The following SLC47A1 variants were observed in gnomAD, a reference collection of about 807,000 sequenced individuals.
SLC47A1 encodes solute carrier family 47 member 1.
In SLC47A1, 58 loss-of-function variants were observed where a neutral mutation model predicts 65.8. The ratio of observed to expected loss-of-function variants is 0.88; its 90% CI spans 0.71 to 1.10. The LOEUF is 1.10. SLC47A1 is among the 50% of genes least tolerant of loss of function. SLC47A1 has a pLI of 0.00. For missense variants in SLC47A1, 706 were observed against 719.2 expected (o/e 0.98, Z 0.21); for synonymous variants, 285 against 295.0 (o/e 0.97, Z 0.35).
chr17:19,547,903 G>T lies in SLC47A1; in HGVS notation c.307-82G>T, dbSNP rs534895972. 665 of 1,451,070 alleles carry T rather than the reference G, an allele frequency of 4.6e-4. 10 individuals carry two copies. In the South Asian group the frequency reaches 6.3e-3, roughly 14 times the overall value. 89.9% of individuals were successfully genotyped at this position (1,451,070 alleles called of 1,614,324 possible). A position where few individuals can be genotyped will look rare whatever the true frequency, so the allele number is the denominator to read the frequency against. On this transcript the variant is annotated intron_variant, in intron 3 of 16. Transcript: ENST00000270570. ...TTATCCAGCCAACCTGCTTCTTTGT[G>T]TGGCACAATTGAAGGCTTTTAGGGG...
At chr17:19,560,071 T>C in intron 10 of SLC47A1, 117 bp from the exon 11 acceptor site, 1 of 700,804 alleles carries the variant, frequency 1.4e-6, no homozygotes, top group Non-Finnish European at 2.4e-6. Flanking sequence ...AATCAGTCTT[T>C]TCAAAACTTT....
chr17:19,563,771 G>A (rs921617840), intron 12 of SLC47A1, among the ~76,000 whole-genome samples: 32 of 143,570 alleles, frequency 2.2e-4, no homozygotes, highest in African/African-American at 5.9e-4. Context: ...GGTAGATCAC[G>A]AGGTCAGGAG....
intron 1 of SLC47A1, among the ~76,000 whole-genome samples, chr17:19,536,501 C>A (rs185766543): frequency 3.9e-5 from 6 of 152,076 alleles, no homozygotes; most frequent in Non-Finnish European, 7.4e-5. Context: ...AGGAAAAAAC[C>A]CTCTGAAATC....
At chr17:19,541,210 A>G (rs118166088) in intron 1 of SLC47A1, among the ~76,000 whole-genome samples, 2,649 of 152,268 alleles carry the variant, frequency 0.017, 43 homozygotes, top group Non-Finnish European at 0.029. Flanking sequence ...CAGCAGCAGC[A>G]TCACCAACTC....
intron 13 of SLC47A1, 117 bp from the exon 14 acceptor site, chr17:19,566,979 A>C (rs2084362816): frequency 1.3e-6 from 2 of 1,591,768 alleles, no homozygotes; most frequent in African/African-American, 2.7e-5. Flanking sequence ...CATTTCGTTT[A>C]GAAGGATACT....
chr17:19,556,148 C>T (rs781055507), intron 10 of SLC47A1, 86 bp downstream of exon 10: 33 of 1,431,886 alleles, frequency 2.3e-5, no homozygotes, highest in African/African-American at 4.2e-5. Flanking sequence ...CACAGGCATT[C>T]GTACATGAAT....
intron 12 of SLC47A1, among the ~76,000 whole-genome samples, chr17:19,561,660 A>G (rs1347151732): frequency 6.6e-6 from 1 of 151,696 alleles, no homozygotes; most frequent in Non-Finnish European, 1.5e-5. Context: ...AAAAAAAAAA[A>G]AAGATCAGAG....
intron 1 of SLC47A1, among the ~76,000 whole-genome samples, chr17:19,536,083 C>G (rs1915980173): frequency 6.6e-6 from 1 of 151,974 alleles, no homozygotes; most frequent in Non-Finnish European, 1.5e-5. Context: ...TACAGGCACA[C>G]ACCACCATGC....
intron 10 of SLC47A1, among the ~76,000 whole-genome samples, chr17:19,556,913 A>G (rs1400927777): frequency 1.3e-5 from 2 of 152,206 alleles, no homozygotes; most frequent in African/African-American, 2.4e-5. Flanking sequence ...GAAGCAACCT[A>G]TGTGTCTGCG....
intron 3 of SLC47A1, 112 bp downstream of exon 3, chr17:19,546,615 T>C (rs2152313143): frequency 1.0e-6 from 1 of 970,540 alleles, no homozygotes; most frequent in African/African-American, 1.6e-5. Flanking sequence ...GCAGCACCTA[T>C]CAGCCAGCAA....
At chr17:19,544,735 T>C (rs973153231) in intron 2 of SLC47A1, among the ~76,000 whole-genome samples, 2 of 152,218 alleles carry the variant, frequency 1.3e-5, no homozygotes, top group South Asian at 2.1e-4. Context: ...TACTGTGCCA[T>C]TGCATTCCCG....
Position 19,549,649 on chromosome 17 carries a change from A to C in SLC47A1, c.470A>C (p.Tyr157Ser). 6.2e-7 allele frequency: 1 copy of C among 1,614,162 alleles called. No homozygotes were observed. The highest frequency in any genetic ancestry group is 8.5e-7 in the Non-Finnish European group (1 of 1,180,014). The change falls in exon 5 of 17, where the codon TAT becomes TCT. Residue 157 changes from tyrosine to serine, a missense_variant. Coordinates refer to ENST00000270570, the MANE Select transcript of SLC47A1 (RefSeq NM_018242.3). ...DPDVSRLTQT[Y>S]VTIFIPALPA... ...TCGTTATTTAGGCTTACCCAGACCT[A>C]TGTCACGATCTTCATTCCAGCTCTT...
At chr17:19,571,422 C>A in intron 14 of SLC47A1, 56 bp from the exon 15 acceptor site, 1 of 1,491,824 alleles carries the variant, frequency 6.7e-7, no homozygotes, top group Non-Finnish European at 9.3e-7. Context: ...AACATACTCC[C>A]CAGGGGCAGC....
At chr17:19,557,553 A>G (rs1237498926) in intron 10 of SLC47A1, 4 of 514,948 alleles carry the variant, frequency 7.8e-6, no homozygotes, top group Non-Finnish European at 1.2e-5. Flanking sequence ...AAGATTCATA[A>G]AAGTGGGCCC....
intron 1 of SLC47A1, among the ~76,000 whole-genome samples, chr17:19,541,944 G>A (rs2152312400): frequency 6.6e-6 from 1 of 152,300 alleles, no homozygotes; most frequent in South Asian, 2.1e-4. Flanking sequence ...GACCAACATG[G>A]TGAAACTCTG....
At chr17:19,547,549 C>T (rs1215756124) in intron 3 of SLC47A1, among the ~76,000 whole-genome samples, 3 of 151,648 alleles carry the variant, frequency 2.0e-5, no homozygotes, top group Admixed American at 6.6e-5. Flanking sequence ...AAAAAAGGTA[C>T]GGATCTCTGA....
At chr17:19,552,980 T>A (rs1332707685) in intron 6 of SLC47A1, among the ~76,000 whole-genome samples, 4 of 151,840 alleles carry the variant, frequency 2.6e-5, no homozygotes, top group Non-Finnish European at 1.5e-5. Context: ...ATGGTGAAGG[T>A]CTGTGATGAA....
In SLC47A1 at chr17:19,542,373, C is replaced by A; in HGVS notation, c.136-20C>A. ...CAATGGTGGTCACTCACGTCCCTTC[C>A]CGTTCCCCTCTCTTCCCAGTTCTTG... On this transcript the variant is annotated intron_variant, in intron 1 of 16. Coordinates refer to ENST00000270570, the MANE Select transcript of SLC47A1 (RefSeq NM_018242.3). 6.3e-7 allele frequency: 1 copy of A among 1,581,440 alleles called. No individual in the cohort carries two copies. The highest frequency in any genetic ancestry group is 8.6e-7 in the Non-Finnish European group (1 of 1,162,286).
intron 1 of SLC47A1, among the ~76,000 whole-genome samples, chr17:19,541,661 T>A (rs918773794): frequency 2.6e-5 from 4 of 152,184 alleles, no homozygotes; most frequent in Non-Finnish European, 5.9e-5. Flanking sequence ...TACCTCCAGC[T>A]CCTCCTGTCT....
Sources: allele counts gnomAD v4.1 joint callset (sites outside exome capture counted in the v4.1 genomes callset), GRCh38; gene constraint gnomAD v4.1.1; transcripts MANE v1.5; gene names NCBI Gene and HGNC (gene_info 2026-07-23, HGNC 2026-07-21).